HBB: variants seen among roughly 807,000 people sequenced by gnomAD.
HBB encodes hemoglobin subunit beta.
Under a neutral mutation model 9.7 loss-of-function variants are expected in HBB, and 18 were observed. The ratio of observed to expected loss-of-function variants is 1.86; its 90% CI spans 1.28 to 2.76. The LOEUF is 2.76. Among genes scored for constraint, HBB ranks in the 30% most tolerant of loss-of-function variants. HBB has a pLI of 0.00. For missense variants in HBB, 156 were observed against 177.0 expected (o/e 0.88, Z 0.67); for synonymous variants, 99 against 73.6 (o/e 1.35, Z -1.77).
In HBB at chr11:5,225,856, A is replaced by G. The variant is rs956857115; in HGVS notation, c.316-130T>C. 2 of 855,082 alleles carry G rather than the reference A, an allele frequency of 2.3e-6. No individual in the cohort carries two copies. Among genetic ancestry groups the G allele is most frequent in the Non-Finnish European group, 3.9e-6 (2 of 512,302 alleles). 53.0% of individuals were successfully genotyped at this position (855,082 alleles called of 1,614,324 possible). A position where few individuals can be genotyped will look rare whatever the true frequency, so the allele number is the denominator to read the frequency against. On this transcript the variant is annotated intron_variant, in intron 2 of 2. Coordinates refer to ENST00000335295, the MANE Select transcript of HBB (RefSeq NM_000518.5). ...AGCTGGATTGTAGCTGCTATTAGCA[A>G]TATGAAACCTCTTACATCAGTTACA...
Position 5,225,640 on chromosome 11 carries a change from C to G in HBB, c.402G>C (p.Val134=), listed in dbSNP as rs113082294. 6,934 of 1,614,048 alleles carry G rather than the reference C, an allele frequency of 4.3e-3. 22 individuals are homozygous for G. Among genetic ancestry groups the G allele is most frequent in the Non-Finnish European group, 5.3e-3 (6,306 of 1,179,938 alleles). ...TPPVQAAYQK[V]VAGVANALAH... ...CCAGGGCATTAGCCACACCAGCCACCACTTTCTGATAGGCAGCCTGCACTG... is the reference window on the plus strand; with the variant it reads ...CCAGGGCATTAGCCACACCAGCCACGACTTTCTGATAGGCAGCCTGCACTG... Residue 134 remains valine (V), a synonymous_variant, in exon 3 of 3, where the codon GTG becomes GTC. Coordinates refer to ENST00000335295, the MANE Select transcript of HBB (RefSeq NM_000518.5).
chr11:5,226,854 C>T lies in HBB; in HGVS notation c.93-55G>A, dbSNP rs1186575711. 1.3e-6 allele frequency: 2 copies of T among 1,595,624 alleles called. No individual in the cohort carries two copies. The highest frequency in any genetic ancestry group is 1.7e-6 in the Non-Finnish European group (2 of 1,163,354). On this transcript the variant is annotated intron_variant, in intron 1 of 2. Coordinates refer to ENST00000335295, the MANE Select transcript of HBB (RefSeq NM_000518.5). Reference sequence around the variant, plus strand: ...GAGAGAGTCAGTGCCTATCAGAAACCCAAGAGTCTTCTCTGTCTCCACATG... The same window carrying T: ...GAGAGAGTCAGTGCCTATCAGAAACTCAAGAGTCTTCTCTGTCTCCACATG...
Position 5,227,053 on chromosome 11 carries a change from T to C in HBB, c.-32A>G. ...TGTTTGAGGTTGCTAGTGAACACAG[T>C]TGTGTCAGAAGCAAATGTAAGCAAT... is the stretch of plus-strand genomic sequence containing the variant. On this transcript the variant is annotated 5_prime_UTR_variant, in exon 1 of 3. Coordinates refer to ENST00000335295, the MANE Select transcript of HBB (RefSeq NM_000518.5). The C allele has an allele frequency of 7.0e-7, 1 of 1,422,132 alleles. No homozygotes were observed. 88.1% of individuals were successfully genotyped at this position (1,422,132 alleles called of 1,614,324 possible). A position where few individuals can be genotyped will look rare whatever the true frequency, so the allele number is the denominator to read the frequency against.
Position 5,226,265 on chromosome 11 carries a change from A to G in HBB, c.315+312T>C, listed in dbSNP as rs759934114. Reference sequence around the variant, plus strand: ...TAGTAATGTACTAGGCAGACTGTGTAAAGTTTTTTTTTAAGTTACTTAATG... The same window carrying G: ...TAGTAATGTACTAGGCAGACTGTGTGAAGTTTTTTTTTAAGTTACTTAATG... On this transcript the variant is annotated intron_variant, in intron 2 of 2. Coordinates refer to ENST00000335295, the MANE Select transcript of HBB (RefSeq NM_000518.5). 2.8e-5 allele frequency: 15 copies of G among 530,954 alleles called. No individual in the cohort carries two copies. Among genetic ancestry groups the G allele is most frequent in the Admixed American group, 1.0e-4 (3 of 29,334 alleles). The allele number at this position is 530,954 out of a possible 1,614,324, so 32.9% of individuals were successfully genotyped here.
At chr11:5,225,796 G>T in intron 2 of HBB, 70 bp from the exon 3 acceptor site, 1 of 1,519,946 alleles carries the variant, frequency 6.6e-7, no homozygotes, top group Non-Finnish European at 9.1e-7. Flanking sequence ...GAATAATCCA[G>T]CCTTATCCCA....
Position 5,226,278 on chromosome 11 carries a change from A to G in HBB, c.315+299T>C, listed in dbSNP as rs1847543915. 1 of 539,238 alleles carries G rather than the reference A, an allele frequency of 1.9e-6. No individual in the cohort carries two copies. Among genetic ancestry groups the G allele is most frequent in the Non-Finnish European group, 3.3e-6 (1 of 305,274 alleles). 33.4% of individuals were successfully genotyped at this position (539,238 alleles called of 1,614,324 possible). On this transcript the variant is annotated intron_variant, in intron 2 of 2. Coordinates refer to ENST00000335295, the MANE Select transcript of HBB (RefSeq NM_000518.5). ...GGCAGACTGTGTAAAGTTTTTTTTT[A>G]AGTTACTTAATGTATCTCAGAGATA...
chr11:5,226,820 C>G, intron 1 of HBB, 21 bp from the exon 2 acceptor site: 1 of 1,608,304 alleles, frequency 6.2e-7, no homozygotes, highest in Non-Finnish European at 8.5e-7. Flanking sequence ...GAAAATAGAC[C>G]AATAGGCAGA....
Position 5,226,734 on chromosome 11 carries a change from T to C in HBB, c.158A>G (p.Asp53Gly), listed in dbSNP as rs33919924. The change falls in exon 2 of 3, where the codon GAT becomes GGT. Residue 53 changes from aspartate to glycine, a missense_variant. By Grantham distance (94) the Asp-to-Gly change is moderately conservative (BLOSUM62 -1). Coordinates refer to ENST00000335295, the MANE Select transcript of HBB (RefSeq NM_000518.5). ...FESFGDLSTPDAVMGNPKVKA... is the reference protein window; with the variant it reads ...FESFGDLSTPGAVMGNPKVKA... ...CACCTTAGGGTTGCCCATAACAGCA[T>C]CAGGAGTGGACAGATCCCCAAAGGA... 6.2e-7 allele frequency: 1 copy of C among 1,614,094 alleles called. No individual in the cohort carries two copies. The highest frequency in any genetic ancestry group is 8.5e-7 in the Non-Finnish European group (1 of 1,180,008).
At chr11:5,226,863 T>G in intron 1 of HBB, 64 bp from the exon 2 acceptor site, 3 of 1,593,620 alleles carry the variant, frequency 1.9e-6, no homozygotes, top group Admixed American at 1.7e-5. Context: ...CCCAAGAGTC[T>G]TCTCTGTCTC....
rs33914944 is a variant in HBB, at chr11:5,226,577, C to G, written c.315G>C (p.Arg105Ser). ...DKLHVDPENFRLLGNVLVCVL... is the reference protein window; with the variant it reads ...DKLHVDPENFSLLGNVLVCVL... ...AACATCAAGCGTCCCATAGACTCAC[C>G]CTGAAGTTCTCAGGATCCACGTGCA... Residue 105 changes from arginine (R) to serine (S), a missense_variant and splice_region_variant, in exon 2 of 3, where the codon AGG becomes AGC. Physicochemically the swap from Arg to Ser is moderately radical, Grantham distance 110. Coordinates refer to ENST00000335295, the MANE Select transcript of HBB (RefSeq NM_000518.5). 6 of 1,613,910 alleles carry G rather than the reference C, an allele frequency of 3.7e-6. No individual in the cohort carries two copies. The highest frequency in any genetic ancestry group is 5.1e-6 in the Non-Finnish European group (6 of 1,179,888).
At position 5,225,864 on chromosome 11, in the gene HBB, C is replaced by T. The variant is rs1444028845; in HGVS notation, c.316-138G>A. 6.3e-6 allele frequency: 5 copies of T among 792,430 alleles called. No homozygotes were observed. The highest frequency in any genetic ancestry group is 1.1e-5 in the Non-Finnish European group (5 of 466,676). The allele number at this position is 792,430 out of a possible 1,614,324, so 49.1% of individuals were successfully genotyped here. A position where few individuals can be genotyped will look rare whatever the true frequency, so the allele number is the denominator to read the frequency against. On this transcript the variant is annotated intron_variant, in intron 2 of 2. Transcript: ENST00000335295. ...TGTAGCTGCTATTAGCAATATGAAA[C>T]CTCTTACATCAGTTACAATTTATAT...
In HBB at chr11:5,225,840, G is replaced by T. The variant is rs1003790835; in HGVS notation, c.316-114C>A. On this transcript the variant is annotated intron_variant, in intron 2 of 2. Transcript: ENST00000335295. ...ATAAAAGCAGAATGGTAGCTGGATT[G>T]TAGCTGCTATTAGCAATATGAAACC... is the stretch of plus-strand genomic sequence containing the variant. The T allele has an allele frequency of 1.2e-5, 12 of 1,036,972 alleles. No homozygotes were observed. The highest frequency in any genetic ancestry group is 6.4e-5 in the South Asian group (5 of 77,866). 64.2% of individuals were successfully genotyped at this position (1,036,972 alleles called of 1,614,324 possible). A position where few individuals can be genotyped will look rare whatever the true frequency, so the allele number is the denominator to read the frequency against.
In HBB at chr11:5,225,955, T is replaced by C. The variant is rs2133586776; in HGVS notation, c.316-229A>G. Among the ~76,000 whole-genome samples the C allele has an allele frequency of 6.6e-6, 1 of 152,264 alleles. No homozygotes were observed. Among genetic ancestry groups the C allele is most frequent in the Middle Eastern group, 3.4e-3 (1 of 294 alleles). On this transcript the variant is annotated intron_variant, in intron 2 of 2. Coordinates refer to ENST00000335295, the MANE Select transcript of HBB (RefSeq NM_000518.5). The stretch of plus-strand genomic sequence containing the variant: ...CCCAGAAATTATCACTGTTATTCTT[T>C]AGAATGGTGCAAAGAGGCATGATAC...
At position 5,225,658 on chromosome 11, in the gene HBB, C is replaced by G. The variant is rs1437278962; in HGVS notation, c.384G>C (p.Gln128His). Residue 128 changes from glutamine (Q) to histidine (H), a missense_variant, in exon 3 of 3, where the codon CAG becomes CAC. Gln to His is a conservative substitution (Grantham distance 24). Coordinates refer to ENST00000335295, the MANE Select transcript of HBB (RefSeq NM_000518.5). ...CAGCCACCACTTTCTGATAGGCAGC[C>G]TGCACTGGTGGGGTGAATTCTTTGC... ...HFGKEFTPPV[Q>H]AAYQKVVAGV... 2 of 1,613,926 alleles carry G rather than the reference C, an allele frequency of 1.2e-6. No individual in the cohort carries two copies. Among genetic ancestry groups the G allele is most frequent in the African/African-American group, 2.7e-5 (2 of 74,908 alleles).
chr11:5,226,834 A>T (rs753435791), intron 1 of HBB, 35 bp from the exon 2 acceptor site: 2 of 1,592,518 alleles, frequency 1.3e-6, no homozygotes, highest in South Asian at 1.1e-5. Flanking sequence ...AGGCAGAGAG[A>T]GTCAGTGCCT....
chr11:5,226,235 C>T lies in HBB; in HGVS notation c.315+342G>A, dbSNP rs1847543045. 2.3e-6 allele frequency: 1 copy of T among 431,608 alleles called. No individual in the cohort carries two copies. Among genetic ancestry groups the T allele is most frequent in the Non-Finnish European group, 4.1e-6 (1 of 242,738 alleles). 26.7% of individuals were successfully genotyped at this position (431,608 alleles called of 1,614,324 possible). A position where few individuals can be genotyped will look rare whatever the true frequency, so the allele number is the denominator to read the frequency against. The stretch of plus-strand genomic sequence containing the variant: ...ATATGCAAATAAGCACACATATATT[C>T]CAAATAGTAATGTACTAGGCAGACT... On this transcript the variant is annotated intron_variant, in intron 2 of 2. Coordinates refer to ENST00000335295, the MANE Select transcript of HBB (RefSeq NM_000518.5).
rs879578966 is a variant in HBB at position 5,226,363 on chromosome 11, GAAA to G, written c.315+211_315+213del. On this transcript the variant is annotated intron_variant, in intron 2 of 2. Transcript: ENST00000335295. ...GTATAATAGTAAAAATTGCGGAGAA[GAAA>G]AAAAAAGAAAGCAAGAATTAAACAA... The G allele has an allele frequency of 1.7e-6, 1 of 598,874 alleles. No individual in the cohort carries two copies. 37.1% of individuals were successfully genotyped at this position (598,874 alleles called of 1,614,324 possible).
Position 5,226,256 on chromosome 11 carries a change from A to C in HBB, c.315+321T>G, listed in dbSNP as rs1847543430. The C allele has an allele frequency of 1.9e-6, 1 of 515,462 alleles. No homozygotes were observed. The highest frequency in any genetic ancestry group is 3.4e-6 in the Non-Finnish European group (1 of 290,650). The allele number at this position is 515,462 out of a possible 1,614,324, so 31.9% of individuals were successfully genotyped here. Reference sequence around the variant, plus strand: ...TATTCCAAATAGTAATGTACTAGGCAGACTGTGTAAAGTTTTTTTTTAAGT... The same window carrying C: ...TATTCCAAATAGTAATGTACTAGGCCGACTGTGTAAAGTTTTTTTTTAAGT... On this transcript the variant is annotated intron_variant, in intron 2 of 2. Transcript: ENST00000335295.
Position 5,225,793 on chromosome 11 carries a change from C to G in HBB, c.316-67G>C, listed in dbSNP as rs1847534048. On this transcript the variant is annotated intron_variant, in intron 2 of 2. Coordinates refer to ENST00000335295, the MANE Select transcript of HBB (RefSeq NM_000518.5). Reference sequence around the variant, plus strand: ...GGGCCTAGCTTGGACTCAGAATAATCCAGCCTTATCCCAACCATAAAATAA... The same window carrying G: ...GGGCCTAGCTTGGACTCAGAATAATGCAGCCTTATCCCAACCATAAAATAA... 3.3e-6 allele frequency: 5 copies of G among 1,521,762 alleles called. No homozygotes were observed. The South Asian group carries it at 4.5e-5, about 14-fold the overall frequency. The allele number at this position is 1,521,762 out of a possible 1,614,324, so 94.3% of individuals were successfully genotyped here.
Sources: gnomAD v4.1 joint callset for allele counts (sites outside exome capture counted in the v4.1 genomes callset) on GRCh38, gnomAD v4.1.1 for gene constraint, MANE v1.5 for transcripts, NCBI Gene and HGNC (gene_info 2026-07-23, HGNC 2026-07-21) for gene names.